KIRREL3: variants seen among roughly 807,000 people sequenced by gnomAD.
KIRREL3 encodes kin of IRRE-like protein 3.
In KIRREL3, 36 loss-of-function variants were observed where a neutral mutation model predicts 89.7. That is an observed-to-expected ratio of 0.40 (90% CI 0.31 to 0.53). The LOEUF (loss-of-function observed/expected upper bound fraction) is 0.53. Ranked by LOEUF, KIRREL3 falls within the 20% of genes least tolerant of loss-of-function variation. The pLI is 0.49. For synonymous variants in KIRREL3, 445 were observed against 441.4 expected, an observed-to-expected ratio of 1.01 and a Z score of -0.10; for missense variants, 864 against 1,056.6, an observed-to-expected ratio of 0.82 and a Z score of 2.53.
At chr11:126,585,341 C>A (rs1458292915) in intron 1 of KIRREL3, among the ~76,000 whole-genome samples, 1 of 140,162 alleles carries the variant, frequency 7.1e-6, no homozygotes, top group East Asian at 2.3e-4. Flanking sequence ...TCAAGTGATT[C>A]TTTTGCCACA....
rs562217379 is a variant in KIRREL3, at chr11:126,541,396, G to A, written c.134-14709C>T. On this transcript the variant is annotated intron_variant, in intron 2 of 16. Transcript: ENST00000525144. The surrounding 1 kb of genome is among the most constrained non-coding windows in gnomAD (Gnocchi z 4.8). Reference sequence around the variant, plus strand: ...TCTAACTTATCCAAAATCCTATTTCGGGGGTGGGGGGTGGTCCTAAGGTTG... The same window carrying A: ...TCTAACTTATCCAAAATCCTATTTCAGGGGTGGGGGGTGGTCCTAAGGTTG... Among the ~76,000 whole-genome samples, 7 of 152,166 alleles carry A rather than the reference G, an allele frequency of 4.6e-5. No individual in the cohort carries two copies. The highest frequency in any genetic ancestry group is 1.5e-5 in the Non-Finnish European group (1 of 67,996).
chr11:126,767,489 C>T (rs936920464), intron 1 of KIRREL3, among the ~76,000 whole-genome samples: 4 of 152,202 alleles, frequency 2.6e-5, no homozygotes, highest in African/African-American at 9.6e-5. Context: ...CGGAAAGAGC[C>T]CTGAGTGTTA....
chr11:126,505,762 A>T (rs1029105572), intron 4 of KIRREL3, among the ~76,000 whole-genome samples: 8 of 152,218 alleles, frequency 5.3e-5, no homozygotes, highest in African/African-American at 1.7e-4. Flanking sequence ...GAAGTACAAG[A>T]TGTACACTGA....
rs1003018062 is a variant in KIRREL3, at chr11:126,769,456, G to A, written c.56-206544C>T. On this transcript the variant is annotated intron_variant, in intron 1 of 16. Transcript: ENST00000525144. This position sits in a 1 kb window ranked among gnomAD's most constrained non-coding sequence, Gnocchi z 4.3. Reference sequence around the variant, plus strand: ...ATAGATATTGCCATCAAGAAGAGGGGCCCACTCCCCGTGAAAACCGTGCAC... The same window carrying A: ...ATAGATATTGCCATCAAGAAGAGGGACCCACTCCCCGTGAAAACCGTGCAC... Among the ~76,000 whole-genome samples, 1 of 152,118 alleles carries A rather than the reference G, an allele frequency of 6.6e-6. No individual in the cohort carries two copies. Among genetic ancestry groups the A allele is most frequent in the South Asian group, 2.1e-4 (1 of 4,826 alleles).
Position 126,498,246 on chromosome 11 carries a change from C to T in KIRREL3, c.433+23069G>A, listed in dbSNP as rs951490301. Among the ~76,000 whole-genome samples the T allele has an allele frequency of 6.6e-6, 1 of 152,108 alleles. No homozygotes were observed. Among genetic ancestry groups the T allele is most frequent in the Admixed American group, 6.5e-5 (1 of 15,268 alleles). On this transcript the variant is annotated intron_variant, in intron 4 of 16. Coordinates refer to ENST00000525144, the MANE Select transcript of KIRREL3 (RefSeq NM_032531.4). The surrounding 1 kb of genome is among the most constrained non-coding windows in gnomAD (Gnocchi z 4.3). ...CAAAAGAGGATTTACTTTCTTCCCC[C>T]AAAATGATGTCATCAGCTAAGACAA...
intron 1 of KIRREL3, among the ~76,000 whole-genome samples, chr11:126,654,337 G>GTTT (rs5795513): frequency 7.2e-6 from 1 of 139,222 alleles, no homozygotes; most frequent in African/African-American, 2.7e-5. Context: ...TAAACTGAAA[G>GTTT]TTTTTTTTTT....
Position 126,575,038 on chromosome 11 carries a change from G to T in KIRREL3, c.56-12126C>A, listed in dbSNP as rs1438468863. 6.6e-6 allele frequency among the ~76,000 whole-genome samples: 1 copy of T among 152,182 alleles called. No individual in the cohort carries two copies. Among genetic ancestry groups the T allele is most frequent in the Non-Finnish European group, 1.5e-5 (1 of 68,046 alleles). On this transcript the variant is annotated intron_variant, in intron 1 of 16. Transcript: ENST00000525144. This position sits in a 1 kb window ranked among gnomAD's most constrained non-coding sequence, Gnocchi z 7.0. Reference sequence around the variant, plus strand: ...CAGGCTCTGTCAGTCCACAGAGGGTGGTTATGGCAATGTGGAGGAGGCCGG... The same window carrying T: ...CAGGCTCTGTCAGTCCACAGAGGGTTGTTATGGCAATGTGGAGGAGGCCGG...
Position 126,498,214 on chromosome 11 carries a change from G to A in KIRREL3, c.433+23101C>T, listed in dbSNP as rs1439118770. On this transcript the variant is annotated intron_variant, in intron 4 of 16. Transcript: ENST00000525144. This position sits in a 1 kb window ranked among gnomAD's most constrained non-coding sequence, Gnocchi z 4.3. ...TAAAACCCGAGGAGGGGAAGAGAGG[G>A]GTAGCACAAAAGAGGATTTACTTTC... Among the ~76,000 whole-genome samples the A allele has an allele frequency of 6.6e-6, 1 of 152,114 alleles. No individual in the cohort carries two copies. The highest frequency in any genetic ancestry group is 1.5e-5 in the Non-Finnish European group (1 of 68,018).
intron 1 of KIRREL3, among the ~76,000 whole-genome samples, chr11:126,718,018 A>G (rs1042183044): frequency 1.3e-5 from 2 of 152,222 alleles, no homozygotes; most frequent in Admixed American, 6.5e-5. Context: ...GTTCATGGAT[A>G]GAAGTTAAAA....
In KIRREL3 at chr11:126,969,696, C is replaced by T. The variant is rs1031850064; in HGVS notation, c.55+30759G>A. Reference sequence around the variant, plus strand: ...TGGTAGCCATGATGCTTTTCCACGCCCTTGATGACACAGGCTTATTTGAAT... The same window carrying T: ...TGGTAGCCATGATGCTTTTCCACGCTCTTGATGACACAGGCTTATTTGAAT... On this transcript the variant is annotated intron_variant, in intron 1 of 16. Coordinates refer to ENST00000525144, the MANE Select transcript of KIRREL3 (RefSeq NM_032531.4). The surrounding 1 kb of genome is among the most constrained non-coding windows in gnomAD (Gnocchi z 4.9). Among the ~76,000 whole-genome samples, 2 of 152,120 alleles carry T rather than the reference C, an allele frequency of 1.3e-5. No individual in the cohort carries two copies. The highest frequency in any genetic ancestry group is 4.8e-5 in the African/African-American group (2 of 41,404).
At chr11:126,806,801 A>G (rs893666410) in intron 1 of KIRREL3, among the ~76,000 whole-genome samples, 9 of 151,868 alleles carry the variant, frequency 5.9e-5, no homozygotes, top group African/African-American at 2.2e-4. Flanking sequence ...CCCCACATGC[A>G]TTAGGTATTT....
chr11:126,489,976 A>G lies in KIRREL3; in HGVS notation c.434-16510T>C, dbSNP rs1957465256. 6.6e-6 allele frequency among the ~76,000 whole-genome samples: 1 copy of G among 152,090 alleles called. No individual in the cohort carries two copies. Among genetic ancestry groups the G allele is most frequent in the Non-Finnish European group, 1.5e-5 (1 of 68,028 alleles). ...GAATCTGGGCGTGTTAGTGCTGCAT[A>G]CGTTGGGGAAAATGAGACGTGTTGC... On this transcript the variant is annotated intron_variant, in intron 4 of 16. Coordinates refer to ENST00000525144, the MANE Select transcript of KIRREL3 (RefSeq NM_032531.4). This position sits in a 1 kb window ranked among gnomAD's most constrained non-coding sequence, Gnocchi z 5.5.
At chr11:126,921,617 T>TCTAA (rs1947304956) in intron 1 of KIRREL3, among the ~76,000 whole-genome samples, 1 of 45,524 alleles carries the variant, frequency 2.2e-5, no homozygotes, top group Non-Finnish European at 4.0e-5. Context: ...TATCTATCTA[T>TCTAA]CTATCTTCCT....
chr11:126,665,178 CAG>C (rs1945600838), intron 1 of KIRREL3, among the ~76,000 whole-genome samples: 1 of 152,136 alleles, frequency 6.6e-6, no homozygotes, highest in Non-Finnish European at 1.5e-5. Flanking sequence ...TGTGGAAAAA[CAG>C]AGCCCATTAA....
At chr11:126,680,397 G>GATATAT (rs150251599) in intron 1 of KIRREL3, among the ~76,000 whole-genome samples, 1 of 144,122 alleles carries the variant, frequency 6.9e-6, no homozygotes, top group Non-Finnish European at 1.5e-5. Flanking sequence ...TTCTACTGGA[G>GATATAT]ATATATATAT....
chr11:126,868,129 G>A (rs1305935120), intron 1 of KIRREL3, among the ~76,000 whole-genome samples: 13 of 152,044 alleles, frequency 8.6e-5, no homozygotes, highest in Admixed American at 8.5e-4. Flanking sequence ...GTCTCGTATT[G>A]GACTACTTCA....
At chr11:126,789,508 T>C (rs1417354426) in intron 1 of KIRREL3, among the ~76,000 whole-genome samples, 1 of 152,196 alleles carries the variant, frequency 6.6e-6, no homozygotes, top group Non-Finnish European at 1.5e-5. Flanking sequence ...TCTGTACACA[T>C]TGCTTCCACT....
At position 126,579,751 on chromosome 11, in the gene KIRREL3, C is replaced by T. The variant is rs981261538; in HGVS notation, c.56-16839G>A. Among the ~76,000 whole-genome samples, 5 of 152,082 alleles carry T rather than the reference C, an allele frequency of 3.3e-5. No individual in the cohort carries two copies. Among genetic ancestry groups the T allele is most frequent in the Non-Finnish European group, 7.3e-5 (5 of 68,034 alleles). ...GCAATGTGCCCAACCACCCTCTCTG[C>T]TCTCATGACCCCCTGCCTCTCTCCA... On this transcript the variant is annotated intron_variant, in intron 1 of 16. Coordinates refer to ENST00000525144, the MANE Select transcript of KIRREL3 (RefSeq NM_032531.4). The surrounding 1 kb of genome is among the most constrained non-coding windows in gnomAD (Gnocchi z 5.3).
intron 1 of KIRREL3, among the ~76,000 whole-genome samples, chr11:126,852,516 A>G (rs1944377582): frequency 6.6e-6 from 1 of 152,170 alleles, no homozygotes; most frequent in South Asian, 2.1e-4. Flanking sequence ...TATGTGCCAT[A>G]TATATAGTAT....
Sources: allele counts gnomAD v4.1 joint callset (sites outside exome capture counted in the v4.1 genomes callset), GRCh38; gene constraint gnomAD v4.1.1; non-coding constraint Gnocchi (gnomAD v3.1); transcripts MANE v1.5; gene names NCBI Gene and HGNC (gene_info 2026-07-23, HGNC 2026-07-21).